Variants in CUL1 observed in about 807,000 individuals in gnomAD.
The protein encoded by CUL1 is cullin-1.
CUL1 carries 24 observed loss-of-function variants against 118.0 expected under a neutral mutation model. The observed-to-expected ratio is 0.20, with a 90% CI of 0.15 to 0.29. The LOEUF is 0.29. CUL1 is among the 10% of genes least tolerant of loss of function. CUL1 has a pLI of 1.00. For synonymous variants in CUL1, 332 were observed against 340.4 expected (o/e 0.98, Z 0.27); for missense variants, 361 against 933.8 (o/e 0.39, Z 7.99).
intron 1 of CUL1, among the ~76,000 whole-genome samples, chr7:148,707,606 C>A (rs1797927972): frequency 1.3e-5 from 2 of 152,102 alleles, no homozygotes; most frequent in Admixed American, 1.3e-4. Context: ...GGTATTAAGC[C>A]CTGCATACAT....
chr7:148,729,876 T>G (rs1798700467), intron 1 of CUL1, 86 bp from the exon 2 acceptor site: 1 of 419,824 alleles, frequency 2.4e-6, no homozygotes, highest in Non-Finnish European at 4.2e-6. Context: ...GAGTGGGCCC[T>G]GCAGACTGAG....
chr7:148,728,971 CCATT>C, intron 1 of CUL1, among the ~76,000 whole-genome samples: 1 of 152,296 alleles, frequency 6.6e-6, no homozygotes, highest in East Asian at 1.9e-4. Context: ...CTTTATGAAA[CCATT>C]CAAATAATTC....
intron 9 of CUL1, among the ~76,000 whole-genome samples, chr7:148,782,367 G>A (rs896980385): frequency 3.3e-5 from 5 of 152,174 alleles, no homozygotes; most frequent in Admixed American, 2.6e-4. Flanking sequence ...GTTTCCCTAC[G>A]TCTGGGATAG....
intron 2 of CUL1, among the ~76,000 whole-genome samples, chr7:148,738,116 G>C (rs1442734218): frequency 6.6e-6 from 1 of 152,196 alleles, no homozygotes; most frequent in African/African-American, 2.4e-5. Flanking sequence ...TAAAAGTCAA[G>C]AATTGATTCC....
chr7:148,774,763 G>A (rs1170127468), intron 9 of CUL1, among the ~76,000 whole-genome samples: 1 of 152,202 alleles, frequency 6.6e-6, no homozygotes, highest in Non-Finnish European at 1.5e-5. Flanking sequence ...ACCCGGCAGG[G>A]CTGCTGGGTC....
At chr7:148,750,504 G>A (rs1799453934) in intron 2 of CUL1, among the ~76,000 whole-genome samples, 1 of 151,956 alleles carries the variant, frequency 6.6e-6, no homozygotes, top group South Asian at 2.1e-4. Flanking sequence ...CTGTGTCCAA[G>A]TGTCTTCATT....
intron 1 of CUL1, among the ~76,000 whole-genome samples, chr7:148,720,732 A>G (rs1798371044): frequency 1.3e-5 from 2 of 152,168 alleles, no homozygotes; most frequent in African/African-American, 2.4e-5. Context: ...CTTTTGGAAG[A>G]TCCAGCGGAA....
At chr7:148,750,996 AAAAC>A (rs1464199721) in intron 2 of CUL1, among the ~76,000 whole-genome samples, 1 of 151,848 alleles carries the variant, frequency 6.6e-6, no homozygotes, top group Non-Finnish European at 1.5e-5. Context: ...AAAAAAAAAA[AAAAC>A]AAAACAAAAC....
At chr7:148,711,483 G>T (rs1798048499) in intron 1 of CUL1, among the ~76,000 whole-genome samples, 1 of 152,164 alleles carries the variant, frequency 6.6e-6, no homozygotes, top group Non-Finnish European at 1.5e-5. Context: ...GTTCCTTCAG[G>T]AGAGCGGTTA....
intron 2 of CUL1, among the ~76,000 whole-genome samples, chr7:148,753,588 CATCAT>C (rs1799562892): frequency 6.6e-6 from 1 of 152,200 alleles, no homozygotes; most frequent in African/African-American, 2.4e-5. Context: ...TACAGCTGAG[CATCAT>C]AATAGACAGT....
intron 1 of CUL1, among the ~76,000 whole-genome samples, chr7:148,728,073 A>T (rs1472447515): frequency 6.6e-6 from 1 of 152,086 alleles, no homozygotes; most frequent in African/African-American, 2.4e-5. Context: ...GATGGCGAGG[A>T]TGATTACTAG....
At chr7:148,732,071 TTTAAAGAAGATAG>T (rs1798780943) in intron 2 of CUL1, among the ~76,000 whole-genome samples, 2 of 152,124 alleles carry the variant, frequency 1.3e-5, no homozygotes, top group Non-Finnish European at 2.9e-5. Context: ...GTAGGTTGCT[TTTAAAGAAGATAG>T]AGTCTTTGCC....
rs1310697321 is a variant in CUL1 at position 148,757,008 on chromosome 7, G to C, written c.341G>C (p.Ser114Thr). 6.2e-7 allele frequency: 1 copy of C among 1,602,640 alleles called. No homozygotes were observed. Among genetic ancestry groups the C allele is most frequent in the Non-Finnish European group, 8.5e-7 (1 of 1,175,872 alleles). Residue 114 changes from serine to threonine, a missense_variant, in exon 4 of 22, where the codon AGT becomes ACT. Physicochemically the swap from Ser to Thr is moderately conservative, Grantham distance 58. This residue lies in a region of CUL1 where 49 missense variants were observed against 67.4 expected (regional missense o/e 0.73). Transcript: ENST00000325222. The part of the protein sequence containing the change: ...LKDGEDLMDE[S>T]VLKFYTQQWE... ...GATGGAGAAGATTTGATGGATGAGA[G>C]TGTACTGAAATTCTACACTCAACAA... is the stretch of plus-strand genomic sequence containing the variant.
intron 2 of CUL1, among the ~76,000 whole-genome samples, chr7:148,747,341 G>A (rs1229955849): frequency 6.6e-6 from 1 of 152,204 alleles, no homozygotes; most frequent in Non-Finnish European, 1.5e-5. Context: ...ATACAGCAAA[G>A]TGTAATGCTC....
intron 1 of CUL1, among the ~76,000 whole-genome samples, chr7:148,711,279 A>G (rs1157794458): frequency 1.3e-5 from 2 of 152,202 alleles, no homozygotes; most frequent in Non-Finnish European, 2.9e-5. Flanking sequence ...CTAGTAAGGA[A>G]ATTTTCAGCA....
At chr7:148,715,226 C>T (rs1329136062) in intron 1 of CUL1, among the ~76,000 whole-genome samples, 1 of 152,160 alleles carries the variant, frequency 6.6e-6, no homozygotes, top group Non-Finnish European at 1.5e-5. Context: ...CCTCTTGTGA[C>T]AGCAATGTTG....
intron 9 of CUL1, among the ~76,000 whole-genome samples, chr7:148,775,371 C>A (rs1800361964): frequency 6.6e-6 from 1 of 152,192 alleles, no homozygotes. Flanking sequence ...TCAGCTTACA[C>A]ACACAGGAAG....
intron 1 of CUL1, among the ~76,000 whole-genome samples, chr7:148,710,483 C>T (rs1470553279): frequency 1.3e-5 from 2 of 152,042 alleles, no homozygotes; most frequent in African/African-American, 4.8e-5. Context: ...GCAGGAGAAT[C>T]GCTTGAACCC....
chr7:148,788,465 A>G (rs1260934414), intron 13 of CUL1, 92 bp from the exon 14 acceptor site: 2 of 774,062 alleles, frequency 2.6e-6, no homozygotes, highest in Non-Finnish European at 4.4e-6. Context: ...ATAATTAAGT[A>G]TATATTGTAT....
Sources: allele counts gnomAD v4.1 joint callset (sites outside exome capture counted in the v4.1 genomes callset), GRCh38; gene constraint gnomAD v4.1.1; regional missense constraint gnomAD v4.1.1; transcripts MANE v1.5; gene names NCBI Gene and HGNC (gene_info 2026-07-23, HGNC 2026-07-21).